The following PHKB variants were observed in gnomAD, a reference collection of about 807,000 sequenced individuals.
The protein encoded by PHKB is phosphorylase kinase regulatory subunit beta.
In PHKB, 122 loss-of-function variants were observed where a neutral mutation model predicts 152.1. The observed-to-expected ratio is 0.80, with a 90% CI of 0.69 to 0.93. The LOEUF (loss-of-function observed/expected upper bound fraction) is 0.93. Among genes scored for constraint, PHKB ranks in the 40% least tolerant of loss-of-function variants. PHKB has a pLI of 0.00. For missense variants in PHKB, 1,304 were observed against 1,328.4 expected, an observed-to-expected ratio of 0.98 and a Z score of 0.29; for synonymous variants, 436 against 464.9, an observed-to-expected ratio of 0.94 and a Z score of 0.80.
chr16:47,607,934 T>G (rs1249635969), intron 13 of PHKB, among the ~76,000 whole-genome samples: 1 of 152,202 alleles, frequency 6.6e-6, no homozygotes, highest in African/African-American at 2.4e-5. Context: ...CCCAAATGAC[T>G]AATGTTGTGC....
chr16:47,640,762 A>G (rs1973004047), intron 14 of PHKB, among the ~76,000 whole-genome samples: 1 of 152,140 alleles, frequency 6.6e-6, no homozygotes, highest in South Asian at 2.1e-4. Flanking sequence ...GCTCTTATGC[A>G]TCATTCAAAA....
chr16:47,470,813 A>C (rs942755416), intron 1 of PHKB, among the ~76,000 whole-genome samples: 1 of 152,258 alleles, frequency 6.6e-6, no homozygotes, highest in African/African-American at 2.4e-5. Context: ...ACTGATGTTT[A>C]TTGGACCTCT....
At chr16:47,530,716 G>A (rs1283011008) in intron 6 of PHKB, among the ~76,000 whole-genome samples, 1 of 152,088 alleles carries the variant, frequency 6.6e-6, no homozygotes, top group Admixed American at 6.5e-5. Flanking sequence ...TTGGTCTAAT[G>A]TAAAGTAAAT....
chr16:47,555,363 G>A (rs1971350395), intron 7 of PHKB, among the ~76,000 whole-genome samples: 1 of 152,186 alleles, frequency 6.6e-6, no homozygotes, highest in African/African-American at 2.4e-5. Flanking sequence ...AGAAGATTGT[G>A]AATTTAGTTC....
intron 13 of PHKB, among the ~76,000 whole-genome samples, chr16:47,604,393 C>T (rs2151706226): frequency 6.6e-6 from 1 of 152,194 alleles, no homozygotes; most frequent in Admixed American, 6.5e-5. Context: ...TTTAGAAAGT[C>T]CATCCTTGTT....
chr16:47,521,826 CTTTG>C (rs1970690911), intron 6 of PHKB, among the ~76,000 whole-genome samples: 1 of 151,802 alleles, frequency 6.6e-6, no homozygotes, highest in South Asian at 2.1e-4. Flanking sequence ...ATTATGTGAT[CTTTG>C]TTTTTTATTT....
At chr16:47,682,738 C>T (rs528611179) in intron 26 of PHKB, among the ~76,000 whole-genome samples, 170 of 152,258 alleles carry the variant, frequency 1.1e-3, no homozygotes, top group African/African-American at 3.9e-3. Context: ...GTAGTTTGAT[C>T]GTCTGAAGCC....
chr16:47,566,065 CAAATGCT>C, intron 7 of PHKB: 1 of 666,982 alleles, frequency 1.5e-6, no homozygotes, highest in Non-Finnish European at 2.7e-6. Flanking sequence ...TACCCACTGC[CAAATGCT>C]TTTTTGCCAT....
intron 1 of PHKB, among the ~76,000 whole-genome samples, chr16:47,495,475 T>C (rs2151640757): frequency 6.6e-6 from 1 of 152,274 alleles, no homozygotes. Flanking sequence ...CTACCTCTAC[T>C]AATAGAGATC....
intron 26 of PHKB, among the ~76,000 whole-genome samples, chr16:47,673,105 A>T (rs1973665114): frequency 6.7e-6 from 1 of 149,072 alleles, no homozygotes; most frequent in South Asian, 2.1e-4. Flanking sequence ...CACTGGGACT[A>T]TTTCAGTTGG....
intron 26 of PHKB, among the ~76,000 whole-genome samples, chr16:47,679,638 G>C (rs1356431008): frequency 2.0e-5 from 3 of 152,242 alleles, no homozygotes; most frequent in Non-Finnish European, 4.4e-5. Flanking sequence ...AGACTTTGCT[G>C]AAGTTGCTTA....
intron 22 of PHKB, 140 bp from the exon 23 acceptor site, chr16:47,661,579 T>C (rs1973444893): frequency 4.3e-6 from 3 of 695,854 alleles, no homozygotes; most frequent in Non-Finnish European, 5.3e-6. Context: ...CTTGATATTA[T>C]ATCAATGACA....
At chr16:47,486,989 A>G (rs985182510) in intron 1 of PHKB, among the ~76,000 whole-genome samples, 1 of 152,222 alleles carries the variant, frequency 6.6e-6, no homozygotes, top group Admixed American at 6.5e-5. Flanking sequence ...CTGAAGTTGG[A>G]AATTAGAACT....
At chr16:47,570,901 C>A (rs936682328) in intron 7 of PHKB, among the ~76,000 whole-genome samples, 1 of 152,000 alleles carries the variant, frequency 6.6e-6, no homozygotes, top group African/African-American at 2.4e-5. Context: ...TTCTTCCCAT[C>A]TGGATAAACT....
chr16:47,682,662 G>A (rs917490312), intron 26 of PHKB, among the ~76,000 whole-genome samples: 7 of 152,066 alleles, frequency 4.6e-5, no homozygotes, highest in African/African-American at 1.2e-4. Context: ...TTATCCATTC[G>A]TCTAATCTTT....
At chr16:47,632,021 C>T (rs1597137724) in intron 14 of PHKB, among the ~76,000 whole-genome samples, 1 of 152,202 alleles carries the variant, frequency 6.6e-6, no homozygotes, top group Non-Finnish European at 1.5e-5. Context: ...CTCTTATCAA[C>T]AAGCTGTCGT....
chr16:47,598,547 A>T lies in PHKB; in HGVS notation c.1363+2016A>T, dbSNP rs1972163891. On this transcript the variant is annotated intron_variant, in intron 13 of 30. Transcript: ENST00000323584. ...TAACACTCTCCTACATATTTTCTATATCACTTTTCTTGATTATAAAATGTC... is the reference window on the plus strand; with the variant it reads ...TAACACTCTCCTACATATTTTCTATTTCACTTTTCTTGATTATAAAATGTC... 5 of 672,148 alleles carry T rather than the reference A, an allele frequency of 7.4e-6. No homozygotes were observed. In the South Asian group the frequency reaches 9.6e-5, roughly 13 times the overall value. The allele number at this position is 672,148 out of a possible 1,614,324, so 41.6% of individuals were successfully genotyped here.
intron 13 of PHKB, among the ~76,000 whole-genome samples, chr16:47,601,708 A>C (rs957543398): frequency 6.6e-5 from 10 of 152,032 alleles, no homozygotes; most frequent in Non-Finnish European, 8.8e-5. Context: ...CCATCTCAAA[A>C]AAAAAAAAAA....
intron 1 of PHKB, among the ~76,000 whole-genome samples, chr16:47,481,414 T>G (rs891102580): frequency 1.3e-5 from 2 of 152,246 alleles, no homozygotes; most frequent in African/African-American, 4.8e-5. Context: ...ATCACTAAAC[T>G]ACCCATTGCA....
Sources: gnomAD v4.1 joint callset for allele counts (sites outside exome capture counted in the v4.1 genomes callset) on GRCh38, gnomAD v4.1.1 for gene constraint, MANE v1.5 for transcripts, NCBI Gene and HGNC (gene_info 2026-07-23, HGNC 2026-07-21) for gene names.